The following CRACR2A variants were observed in gnomAD, a reference collection of about 807,000 sequenced individuals.
CRACR2A encodes the protein EF-hand calcium-binding domain-containing protein 4B.
CRACR2A carries 79 observed loss-of-function variants against 90.5 expected under a neutral mutation model. The ratio of observed to expected loss-of-function variants is 0.87; its 90% CI spans 0.73 to 1.05. The LOEUF (loss-of-function observed/expected upper bound fraction) is 1.05, where lower values mean the gene tolerates loss of function less well. Ranked by LOEUF, CRACR2A falls within the 50% of genes least tolerant of loss-of-function variation. CRACR2A has a pLI of 0.00. For synonymous variants in CRACR2A, 338 were observed against 356.7 expected, an observed-to-expected ratio of 0.95 and a Z score of 0.59; for missense variants, 823 against 897.2, an observed-to-expected ratio of 0.92 and a Z score of 1.06.
At chr12:3,671,421 A>G (rs183248217) in intron 7 of CRACR2A, among the ~76,000 whole-genome samples, 1 of 152,274 alleles carries the variant, frequency 6.6e-6, no homozygotes, top group Admixed American at 6.5e-5. Flanking sequence ...AAGAAATGTG[A>G]GCAGTCACAG....
chr12:3,630,751 G>T (rs1160939912), intron 15 of CRACR2A, among the ~76,000 whole-genome samples: 1 of 152,248 alleles, frequency 6.6e-6, no homozygotes, highest in Non-Finnish European at 1.5e-5. Flanking sequence ...ATGCCCGCAG[G>T]GCTCAAGCAC....
chr12:3,652,472 T>A (rs1283942576), intron 10 of CRACR2A, among the ~76,000 whole-genome samples: 2 of 152,176 alleles, frequency 1.3e-5, no homozygotes, highest in Non-Finnish European at 2.9e-5. Flanking sequence ...GCTTTTTTTT[T>A]AACTAGGGCT....
At chr12:3,645,323 T>C (rs1008116965) in intron 11 of CRACR2A, among the ~76,000 whole-genome samples, 1 of 152,190 alleles carries the variant, frequency 6.6e-6, no homozygotes, top group Non-Finnish European at 1.5e-5. Context: ...GGGCAAAGCC[T>C]TGTGCTGGGA....
intron 1 of CRACR2A, among the ~76,000 whole-genome samples, chr12:3,748,534 T>C (rs1946657516): frequency 6.6e-6 from 1 of 152,066 alleles, no homozygotes; most frequent in Non-Finnish European, 1.5e-5. Context: ...AAAAGAAAAT[T>C]CTATAGCCCT....
chr12:3,739,487 TAAC>T (rs1471926634), intron 1 of CRACR2A, among the ~76,000 whole-genome samples: 1 of 152,226 alleles, frequency 6.6e-6, no homozygotes, highest in Non-Finnish European at 1.5e-5. Flanking sequence ...AAGACATTGC[TAAC>T]AACAACGAAT....
At chr12:3,682,205 C>T (rs1237192658) in intron 4 of CRACR2A, among the ~76,000 whole-genome samples, 1 of 152,214 alleles carries the variant, frequency 6.6e-6, no homozygotes, top group African/African-American at 2.4e-5. Flanking sequence ...CCTCCTTCCC[C>T]ACCCTCAGAC....
chr12:3,627,605 A>G lies in CRACR2A; in HGVS notation c.1817+20T>C. On this transcript the variant is annotated intron_variant, in intron 16 of 19. Coordinates refer to ENST00000440314, the MANE Select transcript of CRACR2A (RefSeq NM_001144958.2). The stretch of plus-strand genomic sequence containing the variant: ...GCACGGCCTTCCCTCTGGAGCCCAG[A>G]ACTTCGGGCAGCTCCTCACCTCTCC... 1 of 1,551,626 alleles carries G rather than the reference A, an allele frequency of 6.4e-7. No homozygotes were observed. Among genetic ancestry groups the G allele is most frequent in the Non-Finnish European group, 8.7e-7 (1 of 1,146,956 alleles).
In CRACR2A at chr12:3,656,194, T is replaced by A. The variant is rs1944903905; in HGVS notation, c.858+117A>T. The A allele has an allele frequency of 4.3e-6, 4 of 923,894 alleles. No homozygotes were observed. The East Asian group carries it at 9.8e-5, about 23-fold the overall frequency. 57.2% of individuals were successfully genotyped at this position (923,894 alleles called of 1,614,324 possible). A position where few individuals can be genotyped will look rare whatever the true frequency, so the allele number is the denominator to read the frequency against. Reference sequence around the variant, plus strand: ...GCTATCTTTTGCGCGACTAAATAGTTCTTCTCAGGTTAAAAACTCAAAAGT... The same window carrying A: ...GCTATCTTTTGCGCGACTAAATAGTACTTCTCAGGTTAAAAACTCAAAAGT... On this transcript the variant is annotated intron_variant, in intron 9 of 19. Transcript: ENST00000440314.
chr12:3,662,583 C>T (rs1348096850), intron 7 of CRACR2A, among the ~76,000 whole-genome samples: 2 of 152,222 alleles, frequency 1.3e-5, no homozygotes, highest in South Asian at 2.1e-4. Context: ...AAGGGCAGTG[C>T]TCCCCAGGGG....
chr12:3,670,543 T>C (rs1238709834), intron 7 of CRACR2A, among the ~76,000 whole-genome samples: 1 of 152,214 alleles, frequency 6.6e-6, no homozygotes, highest in Non-Finnish European at 1.5e-5. Flanking sequence ...CCTATTGGGA[T>C]TTCCAGTCTC....
Position 3,633,484 on chromosome 12 carries a change from T to A in CRACR2A, c.1735+120A>T. On this transcript the variant is annotated intron_variant, in intron 15 of 19. Coordinates refer to ENST00000440314, the MANE Select transcript of CRACR2A (RefSeq NM_001144958.2). This position sits in a 1 kb window ranked among gnomAD's most constrained non-coding sequence, Gnocchi z 4.5. ...TGAACAGAGCAGACACCAGTATCCC[T>A]ACTGGCCAATCCCCATGGCCCTTCC... The A allele has an allele frequency of 7.3e-7, 1 of 1,361,660 alleles. No individual in the cohort carries two copies. Among genetic ancestry groups the A allele is most frequent in the East Asian group, 2.5e-5 (1 of 39,766 alleles). 84.3% of individuals were successfully genotyped at this position (1,361,660 alleles called of 1,614,324 possible). A position where few individuals can be genotyped will look rare whatever the true frequency, so the allele number is the denominator to read the frequency against.
At chr12:3,660,853 C>A (rs927965727) in intron 7 of CRACR2A, among the ~76,000 whole-genome samples, 1 of 144,430 alleles carries the variant, frequency 6.9e-6, no homozygotes, top group African/African-American at 2.6e-5. Flanking sequence ...CACACACACA[C>A]ACACACACAC....
At chr12:3,634,398 A>G (rs547846159) in intron 14 of CRACR2A, among the ~76,000 whole-genome samples, 1 of 152,298 alleles carries the variant, frequency 6.6e-6, no homozygotes, top group East Asian at 1.9e-4. Context: ...GGGAAATGCT[A>G]GGCTGCTGGG....
intron 1 of CRACR2A, among the ~76,000 whole-genome samples, chr12:3,741,132 C>T (rs73249723): frequency 0.16 from 23,863 of 152,166 alleles, 2,070 homozygotes; most frequent in African/African-American, 0.2. Context: ...CCTCATTTTT[C>T]CATTTTCCAC....
Position 3,697,043 on chromosome 12 carries a change from T to C in CRACR2A, c.-36-8A>G. ...TGAAGTCTTTTTCAGAACCTGAACA[T>C]AGAAAATGGGAGAGAGAAGTGGGTG... On this transcript the variant is annotated splice_region_variant and splice_polypyrimidine_tract_variant and intron_variant, in intron 3 of 19. Coordinates refer to ENST00000440314, the MANE Select transcript of CRACR2A (RefSeq NM_001144958.2). The C allele has an allele frequency of 6.4e-7, 1 of 1,555,210 alleles. No homozygotes were observed. The highest frequency in any genetic ancestry group is 8.7e-7 in the Non-Finnish European group (1 of 1,147,702).
chr12:3,734,629 A>ATGTG (rs59680765), intron 1 of CRACR2A, among the ~76,000 whole-genome samples: 61,948 of 149,400 alleles, frequency 0.41, 12,808 homozygotes, highest in South Asian at 0.57. Flanking sequence ...AGGTGTGTGT[A>ATGTG]TGTGTGTGTG....
chr12:3,673,924 G>C (rs73047291), intron 6 of CRACR2A, among the ~76,000 whole-genome samples: 22,450 of 152,114 alleles, frequency 0.15, 1,840 homozygotes, highest in South Asian at 0.26. Flanking sequence ...TCTGACTCCG[G>C]TGTTGGCCTC....
intron 10 of CRACR2A, among the ~76,000 whole-genome samples, chr12:3,652,104 TC>T (rs1944804652): frequency 6.7e-6 from 1 of 148,434 alleles, no homozygotes; most frequent in Non-Finnish European, 1.5e-5. Context: ...CTTTTTCAAT[TC>T]CCAGCCTCCA....
intron 4 of CRACR2A, among the ~76,000 whole-genome samples, chr12:3,690,688 T>G (rs1945636552): frequency 1.3e-5 from 2 of 152,120 alleles, no homozygotes; most frequent in Non-Finnish European, 2.9e-5. Context: ...TTTGGTCCAT[T>G]GCTGGGTTCA....
Sources: allele counts gnomAD v4.1 joint callset (sites outside exome capture counted in the v4.1 genomes callset), GRCh38; gene constraint gnomAD v4.1.1; non-coding constraint Gnocchi (gnomAD v3.1); transcripts MANE v1.5; gene names NCBI Gene and HGNC (gene_info 2026-07-23, HGNC 2026-07-21).